Variants in PXN observed in about 807,000 individuals in gnomAD.
PXN encodes paxillin.
A neutral mutation model predicts 103.6 loss-of-function variants in PXN; 61 were observed. The observed-to-expected ratio is 0.59, with a 90% CI of 0.48 to 0.73. The LOEUF (loss-of-function observed/expected upper bound fraction) is 0.73, where lower values mean the gene tolerates loss of function less well. PXN is among the 30% of genes least tolerant of loss of function. The probability of loss-of-function intolerance (pLI) is 0.00; values close to 1 mark genes in which losing one functional copy is unlikely to be tolerated. For missense variants in PXN, 1,274 were observed against 1,460.3 expected (o/e 0.87, Z 2.08); for synonymous variants, 562 against 607.8 (o/e 0.92, Z 1.11).
Position 120,216,609 on chromosome 12 carries a change from T to C in PXN, c.1993-28A>G. On this transcript the variant is annotated intron_variant, in intron 8 of 14. Transcript: ENST00000637617. This position sits in a 1 kb window ranked among gnomAD's most constrained non-coding sequence, Gnocchi z 5.1. Reference sequence around the variant, plus strand: ...GGGGAGAAGAAAGGAGGGAGAGCGATGAGGAAGAAATCGCCAGCTCAGCCC... The same window carrying C: ...GGGGAGAAGAAAGGAGGGAGAGCGACGAGGAAGAAATCGCCAGCTCAGCCC... 2 of 1,494,124 alleles carry C rather than the reference T, an allele frequency of 1.3e-6. No individual in the cohort carries two copies. Among genetic ancestry groups the C allele is most frequent in the African/African-American group, 1.5e-5 (1 of 68,912 alleles). 92.6% of individuals were successfully genotyped at this position (1,494,124 alleles called of 1,614,324 possible). A position where few individuals can be genotyped will look rare whatever the true frequency, so the allele number is the denominator to read the frequency against.
chr12:120,261,169 T>A (rs2136721250), intron 1 of PXN, among the ~76,000 whole-genome samples: 1 of 152,216 alleles, frequency 6.6e-6, no homozygotes, highest in South Asian at 2.1e-4. Context: ...CTGCACATAA[T>A]AAGAGCTCAA....
At position 120,228,657 on chromosome 12, in the gene PXN, T is replaced by TGGAGGAACACAGCAAGCTAGTG. The variant is rs1250270206; in HGVS notation, c.14-4302_14-4281dup. On this transcript the variant is annotated intron_variant, in intron 1 of 14. Coordinates refer to ENST00000637617, the MANE Select transcript of PXN (RefSeq NM_001385981.1). The surrounding 1 kb of genome is among the most constrained non-coding windows in gnomAD (Gnocchi z 4.7). ...CTATCCTTAGAGAACAAGGCTGAGC[T>TGGAGGAACACAGCAAGCTAGTG]GGAGGAACACAGCAAGCTAGTGGGA... 1.3e-5 allele frequency among the ~76,000 whole-genome samples: 2 copies of TGGAGGAACACAGCAAGCTAGTG among 152,184 alleles called. No individual in the cohort carries two copies. Among genetic ancestry groups the TGGAGGAACACAGCAAGCTAGTG allele is most frequent in the Non-Finnish European group, 1.5e-5 (1 of 68,036 alleles).
At position 120,229,479 on chromosome 12, in the gene PXN, T is replaced by A. The variant is rs1186872381; in HGVS notation, c.14-5102A>T. Among the ~76,000 whole-genome samples, 2 of 152,158 alleles carry A rather than the reference T, an allele frequency of 1.3e-5. No homozygotes were observed. The highest frequency in any genetic ancestry group is 2.9e-5 in the Non-Finnish European group (2 of 68,032). ...CTCTGAGGACTTTCAGTGTTACAAC[T>A]TGTACGGTGAATCCTCAGTCACCTG... On this transcript the variant is annotated intron_variant, in intron 1 of 14. Transcript: ENST00000637617. This position sits in a 1 kb window ranked among gnomAD's most constrained non-coding sequence, Gnocchi z 4.0.
intron 1 of PXN, among the ~76,000 whole-genome samples, chr12:120,264,700 G>C (rs561287433): frequency 6.6e-6 from 1 of 152,214 alleles, no homozygotes; most frequent in East Asian, 1.9e-4. Flanking sequence ...CTGACGCAGA[G>C]AGGGTGGAGG....
At position 120,213,807 on chromosome 12, in the gene PXN, C is replaced by A; in HGVS notation, c.2979+35G>T. On this transcript the variant is annotated intron_variant, in intron 14 of 14. Transcript: ENST00000637617. The surrounding 1 kb of genome is among the most constrained non-coding windows in gnomAD (Gnocchi z 4.2). ...GACCCCTCTCTCCCCACTGCCTGCT[C>A]CTCGCCCCTCCAGATGTGGTCAGGG... 6.3e-7 allele frequency: 1 copy of A among 1,594,510 alleles called. No individual in the cohort carries two copies. The highest frequency in any genetic ancestry group is 1.1e-5 in the South Asian group (1 of 87,856).
In PXN at chr12:120,222,842, G is replaced by GC. The variant is rs765285281; in HGVS notation, c.493+20dup. 3.1e-6 allele frequency: 5 copies of GC among 1,612,218 alleles called. No individual in the cohort carries two copies. The South Asian group carries it at 4.4e-5, about 14-fold the overall frequency. ...TGGGCCCTGGGCCCTGGTAGACCCTGCCCCAGGGACCCGGTCCTACCTGCA... is the reference window on the plus strand; with the variant it reads ...TGGGCCCTGGGCCCTGGTAGACCCTGCCCCCAGGGACCCGGTCCTACCTGCA... On this transcript the variant is annotated intron_variant, in intron 4 of 14. Transcript: ENST00000637617. The surrounding 1 kb of genome is among the most constrained non-coding windows in gnomAD (Gnocchi z 4.7).
chr12:120,224,180 G>T lies in PXN; in HGVS notation c.211C>A (p.Pro71Thr). 6.2e-7 allele frequency: 1 copy of T among 1,601,592 alleles called. No individual in the cohort carries two copies. Among genetic ancestry groups the T allele is most frequent in the Non-Finnish European group, 8.5e-7 (1 of 1,173,874 alleles). The change falls in exon 2 of 15, where the codon CCC becomes ACC. Residue 71 changes from proline to threonine, a missense_variant. By Grantham distance (38) the Pro-to-Thr change is conservative (BLOSUM62 -1). This residue lies in a region of PXN where 1,178 missense variants were observed against 1,309.0 expected (regional missense o/e 0.90). Coordinates refer to ENST00000637617, the MANE Select transcript of PXN (RefSeq NM_001385981.1). This position sits in a 1 kb window ranked among gnomAD's most constrained non-coding sequence, Gnocchi z 5.0. ...TILDPLDQWQ[P>T]SSSRFIHQQP... ...TGGTGGATGAATCGGGAGCTGCTGG[G>T]CTGCCACTGGTCTAAGGGGTCAAGG...
At chr12:120,235,896 C>G (rs1282184949) in intron 1 of PXN, among the ~76,000 whole-genome samples, 1 of 152,216 alleles carries the variant, frequency 6.6e-6, no homozygotes, top group African/African-American at 2.4e-5. Context: ...CGGGAACCAA[C>G]CTCTGACCTC....
In PXN at chr12:120,215,344, G is replaced by A; in HGVS notation, c.2404-71C>T. On this transcript the variant is annotated intron_variant, in intron 10 of 14. Coordinates refer to ENST00000637617, the MANE Select transcript of PXN (RefSeq NM_001385981.1). The surrounding 1 kb of genome is among the most constrained non-coding windows in gnomAD (Gnocchi z 4.9). ...ACGGTGTCTGGCAGCACAGGGATGG[G>A]GGTACTTTTCTCCCTCCTGGACAGA... The A allele has an allele frequency of 6.6e-7, 1 of 1,525,546 alleles. No individual in the cohort carries two copies. Among genetic ancestry groups the A allele is most frequent in the Non-Finnish European group, 8.8e-7 (1 of 1,140,582 alleles). The allele number at this position is 1,525,546 out of a possible 1,614,324, so 94.5% of individuals were successfully genotyped here. A position where few individuals can be genotyped will look rare whatever the true frequency, so the allele number is the denominator to read the frequency against.
At chr12:120,259,746 G>A (rs932425922) in intron 1 of PXN, among the ~76,000 whole-genome samples, 4 of 152,340 alleles carry the variant, frequency 2.6e-5, no homozygotes, top group African/African-American at 9.6e-5. Flanking sequence ...GACCCAGACT[G>A]CAAAAGGCAG....
rs138928025 is a variant in PXN, at chr12:120,221,970, C to G, written c.696-212G>C. 6.1e-4 allele frequency among the ~76,000 whole-genome samples: 93 copies of G among 152,262 alleles called. 1 individual carries two copies. The East Asian group carries it at 0.016, about 26-fold the overall frequency. ...GAAGTGCCAGGAAGACTCCTCTAGC[C>G]CCCAGCCCAAGTGAAAGCTGGCCTG... On this transcript the variant is annotated intron_variant, in intron 5 of 14. Coordinates refer to ENST00000637617, the MANE Select transcript of PXN (RefSeq NM_001385981.1). The surrounding 1 kb of genome is among the most constrained non-coding windows in gnomAD (Gnocchi z 6.6).
chr12:120,244,521 G>A (rs1151829), intron 1 of PXN, among the ~76,000 whole-genome samples: 3,404 of 151,944 alleles, frequency 0.022, 152 homozygotes, highest in African/African-American at 0.078. Flanking sequence ...GGTGGCGGGC[G>A]CCTGTAGTCC....
chr12:120,254,027 C>T (rs1040680010), intron 1 of PXN, among the ~76,000 whole-genome samples: 2 of 152,082 alleles, frequency 1.3e-5, no homozygotes, highest in South Asian at 2.1e-4. Context: ...ACTACAGGCC[C>T]GTGCCACCAC....
Position 120,215,610 on chromosome 12 carries a change from A to G in PXN, c.2353T>C (p.Trp785Arg). The G allele has an allele frequency of 1.2e-6, 2 of 1,611,288 alleles. No homozygotes were observed. Residue 785 changes from tryptophan (W) to arginine (R), a missense_variant, in exon 10 of 15, where the codon TGG (tryptophan) becomes CGG (arginine). Around this residue, in one of 2 missense-constraint regions of PXN, gnomAD observed 1,178 missense variants for 1,309.0 expected, o/e 0.90. Transcript: ENST00000637617. The surrounding 1 kb of genome is among the most constrained non-coding windows in gnomAD (Gnocchi z 4.9). ...ADGERCWAAGWPRDGGRSSPG... is the reference protein window; with the variant it reads ...ADGERCWAAGRPRDGGRSSPG... Reference sequence around the variant, plus strand: ...CTGCTCCGCCCGCCGTCCCGAGGCCAGCCGGCCGCCCAGCACCGCTCCCCA... The same window carrying G: ...CTGCTCCGCCCGCCGTCCCGAGGCCGGCCGGCCGCCCAGCACCGCTCCCCA...
chr12:120,263,514 T>A (rs1894204988), intron 1 of PXN, among the ~76,000 whole-genome samples: 1 of 152,198 alleles, frequency 6.6e-6, no homozygotes, highest in African/African-American at 2.4e-5. Context: ...GCCACAGATC[T>A]GGGAGCTAGG....
chr12:120,258,098 C>A (rs1354853445), intron 1 of PXN, among the ~76,000 whole-genome samples: 1 of 151,666 alleles, frequency 6.6e-6, no homozygotes, highest in Non-Finnish European at 1.5e-5. Flanking sequence ...GAGGCTGAGG[C>A]ACAAGAATCA....
intron 1 of PXN, among the ~76,000 whole-genome samples, chr12:120,230,667 C>G (rs1038008054): frequency 5.9e-5 from 9 of 152,034 alleles, no homozygotes; most frequent in African/African-American, 2.2e-4. Flanking sequence ...TCCCCCAGCC[C>G]AGAGCACATG....
intron 1 of PXN, among the ~76,000 whole-genome samples, chr12:120,232,651 T>C (rs1215692423): frequency 1.3e-5 from 2 of 152,132 alleles, no homozygotes; most frequent in South Asian, 2.1e-4. Context: ...CCAGGCAAGT[T>C]GATCTGTTGC....
At chr12:120,223,633 CG>C in intron 3 of PXN, 84 bp downstream of exon 3, 1 of 1,063,422 alleles carries the variant, frequency 9.4e-7, no homozygotes, top group Non-Finnish European at 1.4e-6. Context: ...TGCCTGCTCC[CG>C]GGCCTCCGCT....
Sources: allele counts gnomAD v4.1 joint callset (sites outside exome capture counted in the v4.1 genomes callset), GRCh38; gene constraint gnomAD v4.1.1; regional missense constraint gnomAD v4.1.1; non-coding constraint Gnocchi (gnomAD v3.1); transcripts MANE v1.5; gene names NCBI Gene and HGNC (gene_info 2026-07-23, HGNC 2026-07-21).